ANPEP: variants seen among roughly 807,000 people sequenced by gnomAD.
The protein encoded by ANPEP is aminopeptidase N.
In ANPEP, 70 loss-of-function variants were observed where a neutral mutation model predicts 114.6. The ratio of observed to expected loss-of-function variants is 0.61; its 90% CI spans 0.50 to 0.75. The LOEUF (loss-of-function observed/expected upper bound fraction) is 0.75. Ranked by LOEUF, ANPEP falls within the 30% of genes least tolerant of loss-of-function variation. The probability of loss-of-function intolerance (pLI) is 0.00; values close to 1 mark genes in which losing one functional copy is unlikely to be tolerated. For missense variants in ANPEP, 1,184 were observed against 1,259.5 expected (o/e 0.94, Z 0.91); for synonymous variants, 548 against 522.3 (o/e 1.05, Z -0.67).
chr15:89,799,683 G>T lies in ANPEP; in HGVS notation c.1820-124C>A. On this transcript the variant is annotated intron_variant, in intron 12 of 20. Coordinates refer to ENST00000300060, the MANE Select transcript of ANPEP (RefSeq NM_001150.3). The surrounding 1 kb of genome is among the most constrained non-coding windows in gnomAD (Gnocchi z 4.2). ...CTCACCCTCAAGCTGCTGGGGAGAC[G>T]CTAAGGGTGGGGAAGGAAGGGATGA... 1 of 1,397,750 alleles carries T rather than the reference G, an allele frequency of 7.2e-7. No individual in the cohort carries two copies. The highest frequency in any genetic ancestry group is 9.8e-7 in the Non-Finnish European group (1 of 1,016,974). The allele number at this position is 1,397,750 out of a possible 1,614,324, so 86.6% of individuals were successfully genotyped here.
intron 1 of ANPEP, among the ~76,000 whole-genome samples, chr15:89,811,836 C>G (rs749615251): frequency 5.9e-5 from 9 of 152,070 alleles, no homozygotes; most frequent in South Asian, 2.1e-4. Context: ...GTGTTCCTTT[C>G]GCTGTGAATT....
At chr15:89,812,432 C>T (rs751600470) in intron 1 of ANPEP, among the ~76,000 whole-genome samples, 3 of 152,244 alleles carry the variant, frequency 2.0e-5, no homozygotes, top group Non-Finnish European at 4.4e-5. Flanking sequence ...CCCATAGCTG[C>T]ATCACCCCAG....
chr15:89,788,012 C>G (rs1221114719), intron 20 of ANPEP, among the ~76,000 whole-genome samples: 1 of 152,056 alleles, frequency 6.6e-6, no homozygotes, highest in Non-Finnish European at 1.5e-5. Flanking sequence ...CAATTAGAAC[C>G]CTCATGTGAT....
rs554129147 is a variant in ANPEP at position 89,790,549 on chromosome 15, G to A, written c.2670-8C>T. 7 of 1,612,446 alleles carry A rather than the reference G, an allele frequency of 4.3e-6. No homozygotes were observed. In the Admixed American group the frequency reaches 1.0e-4, roughly 23 times the overall value. ...AACGAGCCACCACCATAACTGCAGG[G>A]AGGGAGAGAGGTGAACTGTGAGGGA... is the stretch of plus-strand genomic sequence containing the variant. On this transcript the variant is annotated splice_region_variant and splice_polypyrimidine_tract_variant and intron_variant, in intron 19 of 20. Transcript: ENST00000300060.
Position 89,803,356 on chromosome 15 carries a change from C to A in ANPEP, c.1504-52G>T. 1 of 1,612,940 alleles carries A rather than the reference C, an allele frequency of 6.2e-7. No homozygotes were observed. Reference sequence around the variant, plus strand: ...GCACAGCTGGAGCCCCCCAGGCTCCCCCTCTGTGGTGGGCAGAGGCCCGGG... The same window carrying A: ...GCACAGCTGGAGCCCCCCAGGCTCCACCTCTGTGGTGGGCAGAGGCCCGGG... On this transcript the variant is annotated intron_variant, in intron 9 of 20. Coordinates refer to ENST00000300060, the MANE Select transcript of ANPEP (RefSeq NM_001150.3). This position sits in a 1 kb window ranked among gnomAD's most constrained non-coding sequence, Gnocchi z 4.2.
At chr15:89,814,169 C>G (rs1894866078) in intron 1 of ANPEP, among the ~76,000 whole-genome samples, 1 of 152,218 alleles carries the variant, frequency 6.6e-6, no homozygotes, top group Non-Finnish European at 1.5e-5. Flanking sequence ...CCATCCATGC[C>G]CCGGCATCTT....
Position 89,785,184 on chromosome 15 carries a change from G to T in ANPEP, c.*165C>A. On this transcript the variant is annotated 3_prime_UTR_variant, in exon 21 of 21. Coordinates refer to ENST00000300060, the MANE Select transcript of ANPEP (RefSeq NM_001150.3). ...GTGCTCAGGCAGCCTGGGTCATCAG[G>T]AACTAGACTGGCTCACAGGCAGAGA... 2.2e-6 allele frequency: 2 copies of T among 929,526 alleles called. No homozygotes were observed. The highest frequency in any genetic ancestry group is 2.7e-5 in the East Asian group (1 of 37,628). The allele number at this position is 929,526 out of a possible 1,614,324, so 57.6% of individuals were successfully genotyped here.
chr15:89,804,257 TG>T lies in ANPEP; in HGVS notation c.1174del (p.His392ThrfsTer8). Reference sequence around the variant, plus strand: ...CTCCCCGAGATGGGGGTCTACCTGGTGGGCCAGCTCATGAGCAATCACAGTG... The same window carrying T: ...CTCCCCGAGATGGGGGTCTACCTGGTGGCCAGCTCATGAGCAATCACAGTG... ...VVTVIAHELAHQWFGNLVTIE... is the reference protein window; with the variant it reads ...VVTVIAHELAXQWFGNLVTIE... On this transcript the variant is annotated frameshift_variant, in exon 6 of 21. Coordinates refer to ENST00000300060, the MANE Select transcript of ANPEP (RefSeq NM_001150.3). LOFTEE classifies it high-confidence loss of function. 1.9e-6 allele frequency: 3 copies of T among 1,614,100 alleles called. No homozygotes were observed. The highest frequency in any genetic ancestry group is 2.5e-6 in the Non-Finnish European group (3 of 1,180,000).
At chr15:89,807,759 A>G (rs993847610) in intron 1 of ANPEP, among the ~76,000 whole-genome samples, 47 of 152,182 alleles carry the variant, frequency 3.1e-4, no homozygotes, top group Admixed American at 1.6e-3. Flanking sequence ...GCCTCTTTCT[A>G]TCCTTGGTAG....
At position 89,792,519 on chromosome 15, in the gene ANPEP, C is replaced by T. The variant is rs1370277497; in HGVS notation, c.2293G>A (p.Val765Ile). ...NAISTACSNG[V>I]PECEEMVSGL... ...GAGACCATCTCCTCACACTCTGGAA[C>T]TCCGTTGGAGCAGGCGGTGCTGATG... Residue 765 changes from valine to isoleucine, a missense_variant, in exon 17 of 21, where the codon GTT becomes ATT. Val to Ile is a conservative substitution (Grantham distance 29). Transcript: ENST00000300060. 1 of 1,614,188 alleles carries T rather than the reference C, an allele frequency of 6.2e-7. No homozygotes were observed. The highest frequency in any genetic ancestry group is 1.1e-5 in the South Asian group (1 of 91,088).
At chr15:89,794,195 G>T (rs1220443256) in intron 15 of ANPEP, among the ~76,000 whole-genome samples, 1 of 152,186 alleles carries the variant, frequency 6.6e-6, no homozygotes, top group Non-Finnish European at 1.5e-5. Flanking sequence ...CAGAATTAAA[G>T]GGACAAGGCC....
intron 1 of ANPEP, among the ~76,000 whole-genome samples, chr15:89,813,997 G>GGC (rs1894862156): frequency 1.6e-5 from 2 of 125,024 alleles, no homozygotes; most frequent in African/African-American, 5.2e-5. Context: ...CTGCTGGGGG[G>GGC]GGGGGGTGCG....
chr15:89,793,449 C>A (rs1280929948), intron 15 of ANPEP, among the ~76,000 whole-genome samples: 1 of 152,126 alleles, frequency 6.6e-6, no homozygotes, highest in Non-Finnish European at 1.5e-5. Flanking sequence ...ACTTGTAATT[C>A]CAGCATTTTG....
chr15:89,797,555 C>A lies in ANPEP; in HGVS notation c.2157+20G>T. 1 of 1,600,438 alleles carries A rather than the reference C, an allele frequency of 6.2e-7. No individual in the cohort carries two copies. Among genetic ancestry groups the A allele is most frequent in the Non-Finnish European group, 8.5e-7 (1 of 1,171,570 alleles). ...CACTGGGGCGAACTGGTTCTTGAAC[C>A]CTACCATGCACCTCCGTACCTTCAT... On this transcript the variant is annotated intron_variant, in intron 15 of 20. Coordinates refer to ENST00000300060, the MANE Select transcript of ANPEP (RefSeq NM_001150.3).
chr15:89,794,868 G>A (rs951485711), intron 15 of ANPEP, among the ~76,000 whole-genome samples: 3 of 152,136 alleles, frequency 2.0e-5, no homozygotes, highest in African/African-American at 7.2e-5. Context: ...GCCTTGTCTC[G>A]AGAGAACAAA....
At chr15:89,809,696 C>T (rs1450643510) in intron 1 of ANPEP, among the ~76,000 whole-genome samples, 1 of 152,238 alleles carries the variant, frequency 6.6e-6, no homozygotes, top group Non-Finnish European at 1.5e-5. Flanking sequence ...CACCCAACCC[C>T]ACCAGCACAC....
At position 89,805,366 on chromosome 15, in the gene ANPEP, T is replaced by G; in HGVS notation, c.712A>C (p.Ile238Leu). The change falls in exon 3 of 21, where the codon ATC (isoleucine) becomes CTC (leucine). Residue 238 changes from isoleucine to leucine, a missense_variant. Coordinates refer to ENST00000300060, the MANE Select transcript of ANPEP (RefSeq NM_001150.3). ...AMKAEFNITL[I>L]HPKDLTALSN... ...AGGGCTGTCAGGTCCTTGGGGTGGA[T>G]AAGCGTGATGTTGAACTCGGCCTTC... 2 of 1,614,136 alleles carry G rather than the reference T, an allele frequency of 1.2e-6. No individual in the cohort carries two copies. Among genetic ancestry groups the G allele is most frequent in the Non-Finnish European group, 1.7e-6 (2 of 1,179,996 alleles).
In ANPEP at chr15:89,803,646, C is replaced by T. The variant is rs1596168189; in HGVS notation, c.1437+1G>A. Reference sequence around the variant, plus strand: ...CGTGCCCCACGAGGAGCGGGCTGCACCTTGCTGTAGGAGATGGCGTCAAAC... The same window carrying T: ...CGTGCCCCACGAGGAGCGGGCTGCATCTTGCTGTAGGAGATGGCGTCAAAC... On this transcript the variant is annotated splice_donor_variant, in intron 8 of 20. Coordinates refer to ENST00000300060, the MANE Select transcript of ANPEP (RefSeq NM_001150.3). LOFTEE classifies it high-confidence loss of function. This position sits in a 1 kb window ranked among gnomAD's most constrained non-coding sequence, Gnocchi z 4.2. 1 of 1,610,854 alleles carries T rather than the reference C, an allele frequency of 6.2e-7. No homozygotes were observed. The highest frequency in any genetic ancestry group is 8.5e-7 in the Non-Finnish European group (1 of 1,178,296).
intron 20 of ANPEP, among the ~76,000 whole-genome samples, chr15:89,788,160 G>GT (rs774790570): frequency 6.6e-6 from 1 of 152,196 alleles, no homozygotes; most frequent in Non-Finnish European, 1.5e-5. Context: ...ATTAAAACAT[G>GT]TTTGTACAAA....
Sources: gnomAD v4.1 joint callset for allele counts (sites outside exome capture counted in the v4.1 genomes callset) on GRCh38, gnomAD v4.1.1 for gene constraint, Gnocchi (gnomAD v3.1) non-coding constraint, MANE v1.5 for transcripts, NCBI Gene and HGNC (gene_info 2026-07-23, HGNC 2026-07-21) for gene names.